DYNC1LI1: variants seen among roughly 807,000 people sequenced by gnomAD.
DYNC1LI1 encodes the protein dynein cytoplasmic 1 light intermediate chain 1.
In DYNC1LI1, 19 loss-of-function variants were observed where a neutral mutation model predicts 63.8. That is an observed-to-expected ratio of 0.30 (90% CI 0.21 to 0.44). DYNC1LI1 has a LOEUF of 0.44. Ranked by LOEUF, DYNC1LI1 falls within the 20% of genes least tolerant of loss-of-function variation. The pLI, the probability that DYNC1LI1 is intolerant of heterozygous loss-of-function variation, is 1.00. For synonymous variants in DYNC1LI1, 225 were observed against 232.3 expected, an observed-to-expected ratio of 0.97 and a Z score of 0.28; for missense variants, 565 against 630.2, an observed-to-expected ratio of 0.90 and a Z score of 1.11.
intron 6 of DYNC1LI1, among the ~76,000 whole-genome samples, chr3:32,535,945 G>T (rs1575149560): frequency 6.6e-6 from 1 of 152,130 alleles, no homozygotes; most frequent in Admixed American, 6.5e-5. Flanking sequence ...AATCCCCAAA[G>T]ATAACATAAA....
chr3:32,537,973 T>TAAA (rs1553617906), intron 5 of DYNC1LI1, among the ~76,000 whole-genome samples: 1 of 19,714 alleles, frequency 5.1e-5, no homozygotes, highest in Non-Finnish European at 8.4e-5. Context: ...TATATATATA[T>TAAA]TTATATATAA....
chr3:32,528,534 A>G lies in DYNC1LI1; in HGVS notation c.1374T>C (p.Ser458=), dbSNP rs550930402. The change falls in exon 12 of 13, where the codon TCT becomes TCC. Residue 458 remains serine, a synonymous_variant. Transcript: ENST00000273130. ...CACCACTCACACCAGGGCCTCCTGG[A>G]GAGCCAGTCTTTTTACTCAACAAAC... ...FNSLLSKKTG[S]PGGPGVSGGS... The G allele has an allele frequency of 6.2e-7, 1 of 1,614,082 alleles. No individual in the cohort carries two copies. Among genetic ancestry groups the G allele is most frequent in the South Asian group, 1.1e-5 (1 of 91,088 alleles).
At chr3:32,531,602 T>C (rs1173493803) in intron 8 of DYNC1LI1, 1 of 152,226 alleles carries the variant, frequency 6.6e-6, no homozygotes, top group African/African-American at 2.4e-5. Flanking sequence ...TTTGCTATTT[T>C]ATTTTTATGC....
intron 6 of DYNC1LI1, 119 bp downstream of exon 6, chr3:32,536,891 GA>G: frequency 1.8e-6 from 1 of 571,308 alleles, no homozygotes; most frequent in Non-Finnish European, 3.1e-6. Context: ...TTTCCAACCA[GA>G]GACAGAAGGA....
Position 32,545,965 on chromosome 3 carries a change from C to A in DYNC1LI1, c.221G>T (p.Gly74Val), listed in dbSNP as rs1361548979. Residue 74 changes from glycine (G) to valine (V), a missense_variant and splice_region_variant, in exon 3 of 13, where the codon GGT (glycine) becomes GTT (valine). Coordinates refer to ENST00000273130, the MANE Select transcript of DYNC1LI1 (RefSeq NM_016141.4). Reference sequence around the variant, plus strand: ...GCTTGTTTTTCCAGCTCCATCTTCACCTAGATATGTAAAAAAAGGATAAAT... The same window carrying A: ...GCTTGTTTTTCCAGCTCCATCTTCAACTAGATATGTAAAAAAAGGATAAAT... ...LPAGKNVLLLGEDGAGKTSLI... is the reference protein window; with the variant it reads ...LPAGKNVLLLVEDGAGKTSLI... The A allele has an allele frequency of 6.5e-7, 1 of 1,546,344 alleles. No homozygotes were observed. The highest frequency in any genetic ancestry group is 1.7e-5 in the Admixed American group (1 of 57,200).
chr3:32,560,007 G>C (rs575755600), intron 2 of DYNC1LI1, among the ~76,000 whole-genome samples: 1 of 152,308 alleles, frequency 6.6e-6, no homozygotes, highest in East Asian at 1.9e-4. Flanking sequence ...GTAGGTAAGA[G>C]TAGGGAGAGA....
At chr3:32,551,838 A>C (rs1698046762) in intron 2 of DYNC1LI1, among the ~76,000 whole-genome samples, 1 of 152,052 alleles carries the variant, frequency 6.6e-6, no homozygotes, top group Non-Finnish European at 1.5e-5. Flanking sequence ...TTCTATCCCT[A>C]CCCAACATTT....
At chr3:32,527,638 C>T (rs1697638718) in intron 12 of DYNC1LI1, among the ~76,000 whole-genome samples, 1 of 152,094 alleles carries the variant, frequency 6.6e-6, no homozygotes, top group African/African-American at 2.4e-5. Context: ...AGTTACTACA[C>T]AACCCAATAA....
chr3:32,547,092 A>G (rs988066184), intron 2 of DYNC1LI1, among the ~76,000 whole-genome samples: 1 of 152,038 alleles, frequency 6.6e-6, no homozygotes, highest in Non-Finnish European at 1.5e-5. Context: ...AAATACAAAA[A>G]ATTAGCAGGG....
chr3:32,538,058 T>C (rs1157050596), intron 5 of DYNC1LI1, among the ~76,000 whole-genome samples: 2 of 81,930 alleles, frequency 2.4e-5, no homozygotes, highest in Non-Finnish European at 4.6e-5. Context: ...ATTATATATA[T>C]ATAATTTATT....
intron 2 of DYNC1LI1, among the ~76,000 whole-genome samples, chr3:32,555,428 C>T (rs180808437): frequency 6.6e-6 from 1 of 152,326 alleles, no homozygotes; most frequent in East Asian, 1.9e-4. Flanking sequence ...CACTTTTTAT[C>T]TCCTATTTTC....
intron 2 of DYNC1LI1, chr3:32,566,530 CA>C (rs1338275331): frequency 9.4e-6 from 2 of 213,576 alleles, no homozygotes; most frequent in African/African-American, 4.8e-5. Flanking sequence ...CACCTGAGGT[CA>C]GGAGTTCGAG....
Position 32,543,398 on chromosome 3 carries a change from C to CTTT in DYNC1LI1, c.568+1475_568+1477dup, listed in dbSNP as rs968681360. Among the ~76,000 whole-genome samples, 65 of 127,466 alleles carry CTTT rather than the reference C, an allele frequency of 5.1e-4. 1 individual carries two copies. Among genetic ancestry groups the CTTT allele is most frequent in the East Asian group, 3.5e-3 (15 of 4,262 alleles). The allele number at this position is 127,466 out of a possible 152,430, so 83.6% of individuals were successfully genotyped here. A position where few individuals can be genotyped will look rare whatever the true frequency, so the allele number is the denominator to read the frequency against. On this transcript the variant is annotated intron_variant, in intron 4 of 12. Coordinates refer to ENST00000273130, the MANE Select transcript of DYNC1LI1 (RefSeq NM_016141.4). ...AGGAGTTCATCTATGTATTTCCTTT[C>CTTT]TTTTTTTTTTTTTTTTTTTGAGACG...
intron 5 of DYNC1LI1, among the ~76,000 whole-genome samples, chr3:32,540,574 C>T (rs1486583930): frequency 6.7e-6 from 1 of 150,316 alleles, no homozygotes; most frequent in Non-Finnish European, 1.5e-5. Flanking sequence ...CCAGCTACTA[C>T]GGAGGCTGAG....
intron 2 of DYNC1LI1, among the ~76,000 whole-genome samples, chr3:32,556,639 G>A (rs1427795896): frequency 6.6e-6 from 1 of 152,092 alleles, no homozygotes; most frequent in East Asian, 1.9e-4. Flanking sequence ...CAACCTCCTG[G>A]GCTCAAGCAA....
intron 2 of DYNC1LI1, among the ~76,000 whole-genome samples, chr3:32,558,065 TC>T (rs1698139139): frequency 6.6e-6 from 1 of 151,966 alleles, no homozygotes; most frequent in Non-Finnish European, 1.5e-5. Context: ...AAACCCCATC[TC>T]TACAAAAAAA....
In DYNC1LI1 at chr3:32,570,410, G is replaced by C. The variant is rs1423251012; in HGVS notation, c.156C>G (p.Ile52Met). The C allele has an allele frequency of 1.9e-6, 3 of 1,603,086 alleles. No homozygotes were observed. Among genetic ancestry groups the C allele is most frequent in the Non-Finnish European group, 8.5e-7 (1 of 1,176,128 alleles). ...DEDGQNLWSCILSEVSTRSRS... is the reference protein window; with the variant it reads ...DEDGQNLWSCMLSEVSTRSRS... The stretch of plus-strand genomic sequence containing the variant: ...GCGAGCGGGTGGAGACCTCGCTGAG[G>C]ATGCAGGACCTAACGGGAAGCAAGG... The change falls in exon 2 of 13, where the codon ATC becomes ATG. Residue 52 changes from isoleucine (I) to methionine (M), a missense_variant. Coordinates refer to ENST00000273130, the MANE Select transcript of DYNC1LI1 (RefSeq NM_016141.4).
intron 8 of DYNC1LI1, chr3:32,532,119 G>C (rs917563028): frequency 6.6e-6 from 1 of 152,054 alleles, no homozygotes; most frequent in African/African-American, 2.4e-5. Context: ...CAAGATATAG[G>C]AAAGCAGTGT....
At chr3:32,569,741 C>G (rs1187720471) in intron 2 of DYNC1LI1, among the ~76,000 whole-genome samples, 1 of 152,128 alleles carries the variant, frequency 6.6e-6, no homozygotes, top group African/African-American at 2.4e-5. Flanking sequence ...GACACTGGAC[C>G]GTTTCTCCTT....
Sources: gnomAD v4.1 joint callset for allele counts (sites outside exome capture counted in the v4.1 genomes callset) on GRCh38, gnomAD v4.1.1 for gene constraint, MANE v1.5 for transcripts, NCBI Gene and HGNC (gene_info 2026-07-23, HGNC 2026-07-21) for gene names.